UNC5C: variants seen among roughly 807,000 people sequenced by gnomAD.
UNC5C encodes netrin receptor UNC5C.
A neutral mutation model predicts 99.8 loss-of-function variants in UNC5C; 47 were observed. The ratio of observed to expected loss-of-function variants is 0.47; its 90% CI spans 0.37 to 0.60. The LOEUF (loss-of-function observed/expected upper bound fraction) is 0.60, where lower values mean the gene tolerates loss of function less well. Ranked by LOEUF, UNC5C falls within the 20% of genes least tolerant of loss-of-function variation. The pLI is 0.00. For missense variants in UNC5C, 1,062 were observed against 1,165.9 expected, an observed-to-expected ratio of 0.91 and a Z score of 1.30; for synonymous variants, 487 against 452.2, an observed-to-expected ratio of 1.08 and a Z score of -0.98.
At chr4:95,434,991 T>C (rs1746735950) in intron 1 of UNC5C, among the ~76,000 whole-genome samples, 1 of 152,096 alleles carries the variant, frequency 6.6e-6, no homozygotes. Flanking sequence ...AAATGGATAG[T>C]TGAATACATT....
At chr4:95,315,630 T>C (rs555669529) in intron 2 of UNC5C, among the ~76,000 whole-genome samples, 3 of 152,132 alleles carry the variant, frequency 2.0e-5, no homozygotes, top group Non-Finnish European at 2.9e-5. Flanking sequence ...CAATTTCCAC[T>C]AGAAGAAGAA....
intron 1 of UNC5C, among the ~76,000 whole-genome samples, chr4:95,522,499 T>G: frequency 6.6e-6 from 1 of 151,874 alleles, no homozygotes; most frequent in African/African-American, 2.4e-5. Flanking sequence ...AATGAGAGGT[T>G]ATATTAAAAT....
At chr4:95,508,816 T>G (rs1346209012) in intron 1 of UNC5C, among the ~76,000 whole-genome samples, 2 of 151,956 alleles carry the variant, frequency 1.3e-5, no homozygotes, top group Non-Finnish European at 2.9e-5. Flanking sequence ...CCTTGAGATG[T>G]CCTACAGTAA....
chr4:95,169,881 A>G (rs982262093), intron 15 of UNC5C, among the ~76,000 whole-genome samples: 2 of 152,134 alleles, frequency 1.3e-5, no homozygotes, highest in Non-Finnish European at 2.9e-5. Flanking sequence ...GTGAATGGCT[A>G]TATGATTTGG....
intron 12 of UNC5C, among the ~76,000 whole-genome samples, chr4:95,189,708 G>C (rs2149353821): frequency 6.6e-6 from 1 of 152,298 alleles, no homozygotes; most frequent in East Asian, 1.9e-4. Flanking sequence ...CTCAAAAGAA[G>C]ACATTTATGC....
intron 3 of UNC5C, among the ~76,000 whole-genome samples, chr4:95,281,337 G>T (rs1471786897): frequency 6.6e-6 from 1 of 152,146 alleles, no homozygotes; most frequent in Non-Finnish European, 1.5e-5. Flanking sequence ...AGATGTACAA[G>T]ACACAGAAAG....
chr4:95,495,497 T>C (rs898918137), intron 1 of UNC5C, among the ~76,000 whole-genome samples: 7 of 151,686 alleles, frequency 4.6e-5, no homozygotes, highest in African/African-American at 9.7e-5. Flanking sequence ...GAGTTGCACA[T>C]ATTATAATAA....
At chr4:95,256,695 A>AATATATATATATAT (rs776440021) in intron 4 of UNC5C, among the ~76,000 whole-genome samples, 1 of 110,872 alleles carries the variant, frequency 9.0e-6, no homozygotes, top group Non-Finnish European at 1.8e-5. Flanking sequence ...GACAGAACTA[A>AATATATATATATAT]ATAAATATAT....
chr4:95,478,748 G>A (rs999818656), intron 1 of UNC5C, among the ~76,000 whole-genome samples: 10 of 151,978 alleles, frequency 6.6e-5, no homozygotes, highest in Non-Finnish European at 1.3e-4. Flanking sequence ...GATATAGTTT[G>A]AATATCTATC....
chr4:95,351,025 G>T (rs1463193374), intron 1 of UNC5C, among the ~76,000 whole-genome samples: 1 of 152,066 alleles, frequency 6.6e-6, no homozygotes, highest in Non-Finnish European at 1.5e-5. Context: ...GAATAACTGG[G>T]GACTAGAGCC....
chr4:95,357,990 T>C (rs1055568194), intron 1 of UNC5C, among the ~76,000 whole-genome samples: 1 of 152,144 alleles, frequency 6.6e-6, no homozygotes, highest in East Asian at 1.9e-4. Context: ...CTGCCTCACT[T>C]GATCCATCCC....
chr4:95,514,672 T>C (rs1008680582), intron 1 of UNC5C, among the ~76,000 whole-genome samples: 2 of 149,332 alleles, frequency 1.3e-5, no homozygotes, highest in South Asian at 2.1e-4. Context: ...TATATACACA[T>C]ATATATATAT....
intron 1 of UNC5C, among the ~76,000 whole-genome samples, chr4:95,506,261 T>C (rs900676743): frequency 6.6e-6 from 1 of 152,070 alleles, no homozygotes; most frequent in African/African-American, 2.4e-5. Context: ...TATTCAACTC[T>C]GCGGCAACCA....
chr4:95,495,111 C>T (rs1721596119), intron 1 of UNC5C, among the ~76,000 whole-genome samples: 1 of 151,488 alleles, frequency 6.6e-6, no homozygotes, highest in African/African-American at 2.4e-5. Context: ...TTCCCTAGTG[C>T]CTCATATCTA....
chr4:95,225,138 C>A (rs1298249273), intron 7 of UNC5C, among the ~76,000 whole-genome samples: 1 of 152,098 alleles, frequency 6.6e-6, no homozygotes, highest in Non-Finnish European at 1.5e-5. Context: ...CTCACTGCAA[C>A]CTCCGCCTCC....
intron 1 of UNC5C, among the ~76,000 whole-genome samples, chr4:95,432,124 T>C (rs954522623): frequency 4.6e-5 from 7 of 152,128 alleles, no homozygotes; most frequent in Admixed American, 3.9e-4. Context: ...CAAGTTTGGT[T>C]CTCCAATCAG....
At chr4:95,182,214 A>AAAT (rs1736639079) in intron 14 of UNC5C, among the ~76,000 whole-genome samples, 1 of 152,196 alleles carries the variant, frequency 6.6e-6, no homozygotes, top group African/African-American at 2.4e-5. Flanking sequence ...GGACACAGGG[A>AAAT]AATAGCCAAC....
At chr4:95,343,609 A>G (rs1382848350) in intron 1 of UNC5C, among the ~76,000 whole-genome samples, 1 of 152,120 alleles carries the variant, frequency 6.6e-6, no homozygotes, top group Non-Finnish European at 1.5e-5. Context: ...ACCACTGGCC[A>G]ATGCTGGAGA....
rs150025539 is a variant in UNC5C, at chr4:95,170,978, A to T, written c.2452-646T>A. Among the ~76,000 whole-genome samples the T allele has an allele frequency of 2.6e-4, 40 of 152,366 alleles. No homozygotes were observed. The East Asian group carries it at 7.3e-3, about 28-fold the overall frequency. On this transcript the variant is annotated intron_variant, in intron 14 of 15. Transcript: ENST00000453304. ...GTTAATGGCATCCTCCAATTGCTGTATATCCTTATTTTTTAAAAATCTAAT... is the reference window on the plus strand; with the variant it reads ...GTTAATGGCATCCTCCAATTGCTGTTTATCCTTATTTTTTAAAAATCTAAT...
Sources: gnomAD v4.1 joint callset for allele counts (sites outside exome capture counted in the v4.1 genomes callset) on GRCh38, gnomAD v4.1.1 for gene constraint, MANE v1.5 for transcripts, NCBI Gene and HGNC (gene_info 2026-07-23, HGNC 2026-07-21) for gene names.